Variants in TYMS observed in about 807,000 individuals in gnomAD.
TYMS encodes the protein thymidylate synthase.
In TYMS, 21 loss-of-function variants were observed where a neutral mutation model predicts 39.3. The observed-to-expected ratio is 0.54, with a 90% confidence interval of 0.38 to 0.77. TYMS has a LOEUF of 0.77. Ranked by LOEUF, TYMS falls within the 30% of genes least tolerant of loss-of-function variation. The pLI is 0.00. For missense variants in TYMS, 273 were observed against 406.7 expected (o/e 0.67, Z 2.83); for synonymous variants, 171 against 162.2 (o/e 1.05, Z -0.41).
chr18:659,646 T>C lies in TYMS; in HGVS notation c.211T>C (p.Phe71Leu). The C allele has an allele frequency of 6.2e-7, 1 of 1,614,048 alleles. No individual in the cohort carries two copies. Among genetic ancestry groups the C allele is most frequent in the Non-Finnish European group, 8.5e-7 (1 of 1,179,856 alleles). ...TATGGCAAATTGTTTTTCAGATGAATTCCCTCTGCTGACAACCAAACGTGT... is the reference window on the plus strand; with the variant it reads ...TATGGCAAATTGTTTTTCAGATGAACTCCCTCTGCTGACAACCAAACGTGT... ...MQARYSLRDE[F>L]PLLTTKRVFW... The change falls in exon 2 of 7, where the codon TTC becomes CTC. Residue 71 changes from phenylalanine (F) to leucine (L), a missense_variant. Physicochemically the swap from Phe to Leu is conservative, Grantham distance 22. Coordinates refer to ENST00000323274, the MANE Select transcript of TYMS (RefSeq NM_001071.4).
chr18:667,992 A>AT (rs60409589), intron 3 of TYMS, among the ~76,000 whole-genome samples: 28,467 of 105,808 alleles, frequency 0.27, 4,185 homozygotes, highest in South Asian at 0.34. Flanking sequence ...ATTCACAGGA[A>AT]TTTTTTTTTT....
chr18:669,080 G>A lies in TYMS; in HGVS notation c.463G>A (p.Gly155Arg). 1.9e-6 allele frequency: 3 copies of A among 1,613,852 alleles called. No individual in the cohort carries two copies. The highest frequency in any genetic ancestry group is 2.5e-6 in the Non-Finnish European group (3 of 1,179,736). The change falls in exon 4 of 7, where the codon GGA (glycine) becomes AGA (arginine). Residue 155 changes from glycine (G) to arginine (R), a missense_variant. Around this residue, in one of 3 missense-constraint regions of TYMS, gnomAD observed 228 missense variants for 326.1 expected, o/e 0.70. Transcript: ENST00000323274. ...EYRDMESDYS[G>R]QGVDQLQRVI... is the part of the protein sequence containing the mutation. ...TTTTGACAATTCTACAGATTATTCA[G>A]GACAGGGAGTTGACCAACTGCAAAG...
At chr18:667,429 GAGATGGTGATGGTGATGGTGATGGTGA>G (rs1567990569) in intron 3 of TYMS, among the ~76,000 whole-genome samples, 222 of 2,062 alleles carry the variant, frequency 0.11, 83 homozygotes, top group East Asian at 0.29. Flanking sequence ...GATGGTGATG[GAGATGGTGATGGTGATGGTGATGGTGA>G]TGATGGAGAT....
chr18:659,910 T>C (rs1285252770), intron 2 of TYMS, among the ~76,000 whole-genome samples, 196 bp downstream of exon 2: 1 of 152,094 alleles, frequency 6.6e-6, no homozygotes, highest in Admixed American at 6.5e-5. Context: ...CAGTCTCTAC[T>C]AATAACACAA....
rs1306358734 is a variant in TYMS at position 660,833 on chromosome 18, A to G, written c.279+1119A>G. On this transcript the variant is annotated intron_variant, in intron 2 of 6. Transcript: ENST00000323274. The surrounding 1 kb of genome is among the most constrained non-coding windows in gnomAD (Gnocchi z 4.6). ...GGTCTGGGCCATACTAGAAGCTGGGATCCCTTCTATAGAGCACTTGGTATG... is the reference window on the plus strand; with the variant it reads ...GGTCTGGGCCATACTAGAAGCTGGGGTCCCTTCTATAGAGCACTTGGTATG... 6.6e-6 allele frequency among the ~76,000 whole-genome samples: 1 copy of G among 152,148 alleles called. No homozygotes were observed. Among genetic ancestry groups the G allele is most frequent in the East Asian group, 1.9e-4 (1 of 5,184 alleles).
intron 3 of TYMS, among the ~76,000 whole-genome samples, chr18:667,519 ATGGT>A (rs2074876463): frequency 2.6e-5 from 2 of 76,980 alleles, no homozygotes; most frequent in African/African-American, 8.3e-5. Flanking sequence ...GGTGATGGTG[ATGGT>A]GATGGAGATG....
intron 3 of TYMS, among the ~76,000 whole-genome samples, chr18:667,541 T>A (rs867982304): frequency 4.3e-4 from 28 of 64,942 alleles, no homozygotes; most frequent in East Asian, 1.7e-3. Flanking sequence ...ATGGTGATGG[T>A]GATGGTGATG....
intron 2 of TYMS, 67 bp from the exon 3 acceptor site, chr18:662,078 CG>C (rs1467244421): frequency 4.6e-6 from 7 of 1,509,028 alleles, no homozygotes; most frequent in Non-Finnish European, 4.4e-6. Context: ...AGTGGTGTCT[CG>C]GGGGGATCAA....
rs570871428 is a variant in TYMS, at chr18:668,686, A to G, written c.455-386A>G. On this transcript the variant is annotated intron_variant, in intron 3 of 6. Coordinates refer to ENST00000323274, the MANE Select transcript of TYMS (RefSeq NM_001071.4). ...AGACAAGGATAAAGTAGATTTTGTC[A>G]GTGAAATTGTGACAAGAATCGCTGA... is the stretch of plus-strand genomic sequence containing the variant. Among the ~76,000 whole-genome samples the G allele has an allele frequency of 2.6e-5, 4 of 152,362 alleles. No homozygotes were observed. The East Asian group carries it at 7.7e-4, about 29-fold the overall frequency.
Position 658,032 on chromosome 18 carries a change from C to T in TYMS, c.205+85C>T, listed in dbSNP as rs2074708130. On this transcript the variant is annotated intron_variant, in intron 1 of 6. Coordinates refer to ENST00000323274, the MANE Select transcript of TYMS (RefSeq NM_001071.4). This position sits in a 1 kb window ranked among gnomAD's most constrained non-coding sequence, Gnocchi z 4.5. ...AGCGCTCGGGAGCTGCCGGGCGCTG[C>T]GGACCCCGTTTAGTCCTAACCTCAA... The T allele has an allele frequency of 2.6e-6, 4 of 1,538,532 alleles. No individual in the cohort carries two copies. The highest frequency in any genetic ancestry group is 1.2e-5 in the South Asian group (1 of 82,474).
rs867970977 is a variant in TYMS, at chr18:667,047, T to C, written c.455-2025T>C. ...GAGATGGTGATGGAGATGGTGATGG[T>C]GATGGAGATGGAGATGGTGATGGTG... On this transcript the variant is annotated intron_variant, in intron 3 of 6. Transcript: ENST00000323274. Among the ~76,000 whole-genome samples, 8 of 28,092 alleles carry C rather than the reference T, an allele frequency of 2.8e-4. 1 individual carries two copies. The highest frequency in any genetic ancestry group is 2.1e-3 in the East Asian group (2 of 932). The allele number at this position is 28,092 out of a possible 152,430, so 18.4% of individuals were successfully genotyped here. A position where few individuals can be genotyped will look rare whatever the true frequency, so the allele number is the denominator to read the frequency against.
intron 3 of TYMS, 89 bp downstream of exon 3, chr18:662,409 A>G: frequency 1.6e-6 from 2 of 1,237,190 alleles, no homozygotes; most frequent in South Asian, 1.6e-5. Flanking sequence ...CTGGGGGATG[A>G]GTCAATGTCA....
chr18:671,569 G>C, intron 6 of TYMS, 118 bp downstream of exon 6: 1 of 759,092 alleles, frequency 1.3e-6, no homozygotes, highest in East Asian at 2.6e-5. Context: ...CCAAATGTGG[G>C]GCTTCAGTTT....
chr18:660,973 G>C lies in TYMS; in HGVS notation c.280-1173G>C, dbSNP rs1286733092. 6.6e-6 allele frequency among the ~76,000 whole-genome samples: 1 copy of C among 152,160 alleles called. No homozygotes were observed. Among genetic ancestry groups the C allele is most frequent in the Non-Finnish European group, 1.5e-5 (1 of 68,030 alleles). On this transcript the variant is annotated intron_variant, in intron 2 of 6. Coordinates refer to ENST00000323274, the MANE Select transcript of TYMS (RefSeq NM_001071.4). The surrounding 1 kb of genome is among the most constrained non-coding windows in gnomAD (Gnocchi z 4.6). Reference sequence around the variant, plus strand: ...TAGCTCTGTATTCTTGGGGTATTTTGTTCTGTATTGGCCTATCTTGACTAA... The same window carrying C: ...TAGCTCTGTATTCTTGGGGTATTTTCTTCTGTATTGGCCTATCTTGACTAA...
chr18:658,226 T>TGGCCCCCGA lies in TYMS; in HGVS notation c.205+283_205+291dup. ...GCTCGCAGTCGCCCCAGTGATGCCG[T>TGGCCCCCGA]GGCCCCCGAGGCGGGCGTCATCGGG... On this transcript the variant is annotated intron_variant, in intron 1 of 6. Transcript: ENST00000323274. The surrounding 1 kb of genome is among the most constrained non-coding windows in gnomAD (Gnocchi z 4.5). The TGGCCCCCGA allele has an allele frequency of 6.6e-7, 1 of 1,508,918 alleles. No individual in the cohort carries two copies. Among genetic ancestry groups the TGGCCCCCGA allele is most frequent in the Non-Finnish European group, 8.9e-7 (1 of 1,119,770 alleles). The allele number at this position is 1,508,918 out of a possible 1,614,324, so 93.5% of individuals were successfully genotyped here.
At chr18:670,047 T>TA (rs1043043934) in intron 4 of TYMS, among the ~76,000 whole-genome samples, 2 of 54,110 alleles carry the variant, frequency 3.7e-5, no homozygotes, top group South Asian at 7.0e-4. Flanking sequence ...AGAGACTTAT[T>TA]TTTTTTTTTT....
chr18:672,592 G>C (rs775099636), intron 6 of TYMS: 2 of 281,728 alleles, frequency 7.1e-6, no homozygotes, highest in Non-Finnish European at 1.3e-5. Context: ...TTTGCCAAGA[G>C]TGGTTATAAG....
Position 666,966 on chromosome 18 carries a change from TGGTGATGGAGATGGA to T in TYMS, c.455-2104_455-2090del, listed in dbSNP as rs1567989659. ...ATGGTGATGGTGATGGAGATGGAGA[TGGTGATGGAGATGGA>T]GATGGTGATGGTGATGGAGATGGTG... On this transcript the variant is annotated intron_variant, in intron 3 of 6. Coordinates refer to ENST00000323274, the MANE Select transcript of TYMS (RefSeq NM_001071.4). Among the ~76,000 whole-genome samples the T allele has an allele frequency of 1.1e-3, 13 of 11,778 alleles. 2 individuals carry two copies. The highest frequency in any genetic ancestry group is 1.9e-3 in the Admixed American group (2 of 1,078). The allele number at this position is 11,778 out of a possible 152,430, so 7.7% of individuals were successfully genotyped here.
chr18:662,454 G>A (rs980512917), intron 3 of TYMS, 134 bp downstream of exon 3: 10 of 724,076 alleles, frequency 1.4e-5, no homozygotes, highest in Non-Finnish European at 1.0e-5. Flanking sequence ...CTTGTGAGGG[G>A]TGGTGCCAGG....
Sources: allele counts gnomAD v4.1 joint callset (sites outside exome capture counted in the v4.1 genomes callset), GRCh38; gene constraint gnomAD v4.1.1; regional missense constraint gnomAD v4.1.1; non-coding constraint Gnocchi (gnomAD v3.1); transcripts MANE v1.5; gene names NCBI Gene and HGNC (gene_info 2026-07-23, HGNC 2026-07-21).